The following DYNC1H1 variants were observed in gnomAD, a reference collection of about 807,000 sequenced individuals.
The protein encoded by DYNC1H1 is dynein cytoplasmic 1 heavy chain 1.
DYNC1H1 carries 51 observed loss-of-function variants against 527.1 expected under a neutral mutation model. The observed-to-expected ratio is 0.10, with a 90% CI of 0.08 to 0.12. DYNC1H1 has a LOEUF of 0.12. Among genes scored for constraint, DYNC1H1 ranks in the 10% least tolerant of loss-of-function variants. The pLI is 1.00. For synonymous variants in DYNC1H1, 2,189 were observed against 2,278.8 expected, an observed-to-expected ratio of 0.96 and a Z score of 1.12; for missense variants, 2,771 against 5,971.8, an observed-to-expected ratio of 0.46 and a Z score of 17.66.
chr14:102,015,406 C>G lies in DYNC1H1; in HGVS notation c.7242+74C>G. On this transcript the variant is annotated intron_variant, in intron 35 of 77. Transcript: ENST00000360184. This position sits in a 1 kb window ranked among gnomAD's most constrained non-coding sequence, Gnocchi z 6.9. ...ATTCAGATGTGGTCTCGCTGTGTTG[C>G]CCACGCTGGTCTTGAACTCCTGGGC... 1 of 1,480,760 alleles carries G rather than the reference C, an allele frequency of 6.8e-7. No individual in the cohort carries two copies. Among genetic ancestry groups the G allele is most frequent in the Middle Eastern group, 2.4e-4 (1 of 4,248 alleles). The allele number at this position is 1,480,760 out of a possible 1,614,324, so 91.7% of individuals were successfully genotyped here. A position where few individuals can be genotyped will look rare whatever the true frequency, so the allele number is the denominator to read the frequency against.
Position 102,011,133 on chromosome 14 carries a change from A to C in DYNC1H1, c.6618+181A>C. Reference sequence around the variant, plus strand: ...TTTTGTTGTTGTTGTTTAAATGAAGAGGAAACAATACTTAACCTGAAAATT... The same window carrying C: ...TTTTGTTGTTGTTGTTTAAATGAAGCGGAAACAATACTTAACCTGAAAATT... On this transcript the variant is annotated intron_variant, in intron 32 of 77. Transcript: ENST00000360184. This position sits in a 1 kb window ranked among gnomAD's most constrained non-coding sequence, Gnocchi z 5.3. The C allele has an allele frequency of 1.4e-6, 1 of 705,958 alleles. No homozygotes were observed. The highest frequency in any genetic ancestry group is 2.5e-6 in the Non-Finnish European group (1 of 402,866). The allele number at this position is 705,958 out of a possible 1,614,324, so 43.7% of individuals were successfully genotyped here. A position where few individuals can be genotyped will look rare whatever the true frequency, so the allele number is the denominator to read the frequency against.
At chr14:102,009,319 A>G (rs1015118948) in intron 29 of DYNC1H1, 6 of 162,586 alleles carry the variant, frequency 3.7e-5, no homozygotes, top group African/African-American at 1.4e-4. Context: ...GACCTCCTAA[A>G]TAAAACAAAA....
At chr14:102,037,938 T>G in intron 57 of DYNC1H1, 1 of 261,208 alleles carries the variant, frequency 3.8e-6, no homozygotes, top group South Asian at 4.8e-5. Context: ...GTCCACACTG[T>G]CCAGTGTGGT....
rs2047639246 is a variant in DYNC1H1, at chr14:101,964,588, A to G, written c.-104A>G. 1.3e-6 allele frequency: 2 copies of G among 1,523,916 alleles called. No individual in the cohort carries two copies. Among genetic ancestry groups the G allele is most frequent in the Non-Finnish European group, 1.8e-6 (2 of 1,140,692 alleles). 94.4% of individuals were successfully genotyped at this position (1,523,916 alleles called of 1,614,324 possible). ...CGCTCTCCTCAGTCTGCGGTGGGCT[A>G]GCGGACGGTCCGGCTTCCGGCGGCC... is the stretch of plus-strand genomic sequence containing the variant. On this transcript the variant is annotated 5_prime_UTR_variant, in exon 1 of 78. Coordinates refer to ENST00000360184, the MANE Select transcript of DYNC1H1 (RefSeq NM_001376.5). The surrounding 1 kb of genome is among the most constrained non-coding windows in gnomAD (Gnocchi z 5.5).
Position 101,985,268 on chromosome 14 carries a change from A to T in DYNC1H1, c.1462-419A>T, listed in dbSNP as rs1270608692. On this transcript the variant is annotated intron_variant, in intron 7 of 77. Coordinates refer to ENST00000360184, the MANE Select transcript of DYNC1H1 (RefSeq NM_001376.5). The surrounding 1 kb of genome is among the most constrained non-coding windows in gnomAD (Gnocchi z 5.9). ...TACATATGCCTGAGATTTATAAAACAATTAAATGACTAATTTCTTTATATA... is the reference window on the plus strand; with the variant it reads ...TACATATGCCTGAGATTTATAAAACTATTAAATGACTAATTTCTTTATATA... Among the ~76,000 whole-genome samples the T allele has an allele frequency of 6.6e-6, 1 of 152,206 alleles. No homozygotes were observed. The highest frequency in any genetic ancestry group is 1.5e-5 in the Non-Finnish European group (1 of 68,034).
chr14:102,023,166 T>C, intron 43 of DYNC1H1: 1 of 409,568 alleles, frequency 2.4e-6, no homozygotes, highest in Non-Finnish European at 4.6e-6. Flanking sequence ...TTGGGAGGCT[T>C]GAGCCCAGGA....
rs2048495059 is a variant in DYNC1H1, at chr14:102,030,201, C to G, written c.9802C>G (p.Gln3268Glu). 6.2e-7 allele frequency: 1 copy of G among 1,614,030 alleles called. No homozygotes were observed. Reference protein sequence around the residue: ...QEIQEQLHKQQEVIADKQMSV... With the variant: ...QEIQEQLHKQEEVIADKQMSV... ...AATCCAGGAACAGCTGCATAAGCAGCAGGAGGTAATTGCAGACAAACAGAT... is the reference window on the plus strand; with the variant it reads ...AATCCAGGAACAGCTGCATAAGCAGGAGGAGGTAATTGCAGACAAACAGAT... Residue 3268 changes from glutamine (Q) to glutamate (E), a missense_variant, in exon 51 of 78, where the codon CAG becomes GAG. Physicochemically the swap from Gln to Glu is conservative, Grantham distance 29. Around this residue, in one of 32 missense-constraint regions of DYNC1H1, gnomAD observed 30 missense variants for 117.8 expected, o/e 0.25. Coordinates refer to ENST00000360184, the MANE Select transcript of DYNC1H1 (RefSeq NM_001376.5).
chr14:101,982,469 G>A (rs1360924841), intron 5 of DYNC1H1, among the ~76,000 whole-genome samples: 2 of 152,072 alleles, frequency 1.3e-5, no homozygotes, highest in African/African-American at 2.4e-5. Flanking sequence ...GCAGGCGCCT[G>A]TAGTCCCAGC....
At chr14:102,047,635 G>GTATATATATATATATATATATA (rs1434959122) in intron 72 of DYNC1H1, 182 bp from the exon 73 acceptor site, 1 of 399,124 alleles carries the variant, frequency 2.5e-6, no homozygotes, top group African/African-American at 4.1e-5. Flanking sequence ...GTGTGTGTGT[G>GTATATATATATATATATATATA]TGTGTGTATA....
Position 102,033,517 on chromosome 14 carries a change from C to T in DYNC1H1, c.10413+33C>T, listed in dbSNP as rs761803741. 3.1e-6 allele frequency: 5 copies of T among 1,611,474 alleles called. No homozygotes were observed. Among genetic ancestry groups the T allele is most frequent in the South Asian group, 1.1e-5 (1 of 90,898 alleles). ...TATCATCATTGATCCTCAGCCTTTC[C>T]TGCTGTGGAAGCAGAGATTAACACA... is the stretch of plus-strand genomic sequence containing the variant. On this transcript the variant is annotated intron_variant, in intron 54 of 77. Transcript: ENST00000360184. The surrounding 1 kb of genome is among the most constrained non-coding windows in gnomAD (Gnocchi z 5.6).
rs1360149464 is a variant in DYNC1H1 at position 101,964,937 on chromosome 14, C to T, written c.246C>T (p.Ser82=). Residue 82 remains serine, a synonymous_variant, in exon 1 of 78, where the codon TCC becomes TCT. Coordinates refer to ENST00000360184, the MANE Select transcript of DYNC1H1 (RefSeq NM_001376.5). The surrounding 1 kb of genome is among the most constrained non-coding windows in gnomAD (Gnocchi z 5.5). The stretch of plus-strand genomic sequence containing the variant: ...TCCACACGGTGCTGGTGGAGCGCTC[C>T]ACGCTCAAAGGTGCGGGGCCGCGGA... ...PQVHTVLVER[S]TLKEDVGDEG... 6.3e-7 allele frequency: 1 copy of T among 1,598,294 alleles called. No individual in the cohort carries two copies. Among genetic ancestry groups the T allele is most frequent in the Admixed American group, 1.7e-5 (1 of 57,982 alleles).
Position 102,036,884 on chromosome 14 carries a change from T to C in DYNC1H1, c.10908+242T>C, listed in dbSNP as rs1357308477. The C allele has an allele frequency of 2.4e-6, 1 of 423,230 alleles. No individual in the cohort carries two copies. Among genetic ancestry groups the C allele is most frequent in the African/African-American group, 2.0e-5 (1 of 48,816 alleles). The allele number at this position is 423,230 out of a possible 1,614,324, so 26.2% of individuals were successfully genotyped here. ...ACTTTGGGAGGCCGAGGCGGGTGGATCATCTAAGGTCAGGAATTCAAGAAA... is the reference window on the plus strand; with the variant it reads ...ACTTTGGGAGGCCGAGGCGGGTGGACCATCTAAGGTCAGGAATTCAAGAAA... On this transcript the variant is annotated intron_variant, in intron 57 of 77. Coordinates refer to ENST00000360184, the MANE Select transcript of DYNC1H1 (RefSeq NM_001376.5). The surrounding 1 kb of genome is among the most constrained non-coding windows in gnomAD (Gnocchi z 5.6).
chr14:102,000,670 G>T (rs552524737), intron 18 of DYNC1H1: 52 of 506,678 alleles, frequency 1.0e-4, no homozygotes, highest in African/African-American at 9.7e-4. Flanking sequence ...CGCCTCCCGG[G>T]TTCAAGCGAT....
chr14:102,030,402 A>C, intron 51 of DYNC1H1, 120 bp downstream of exon 51: 1 of 1,481,998 alleles, frequency 6.7e-7, no homozygotes, highest in Non-Finnish European at 9.3e-7. Context: ...GGTTTCCAAA[A>C]ATATCATTAG....
At chr14:102,047,691 T>G (rs2048745180) in intron 72 of DYNC1H1, 126 bp from the exon 73 acceptor site, 2 of 886,976 alleles carry the variant, frequency 2.3e-6, no homozygotes, top group Non-Finnish European at 3.5e-6. Context: ...ACCTTCCAGA[T>G]TTTGCTGCAG....
At chr14:101,968,811 C>G (rs1478798887) in intron 1 of DYNC1H1, among the ~76,000 whole-genome samples, 1 of 152,204 alleles carries the variant, frequency 6.6e-6, no homozygotes. Flanking sequence ...ATCCTGCTAC[C>G]TCAGCCTCCC....
Position 102,052,967 on chromosome 14 carries a change from G to A in DYNC1H1, c.*2404G>A, listed in dbSNP as rs1432869216. 1 of 152,138 alleles carries A rather than the reference G, an allele frequency of 6.6e-6. No homozygotes were observed. Among genetic ancestry groups the A allele is most frequent in the Non-Finnish European group, 1.5e-5 (1 of 68,018 alleles). The allele number at this position is 152,138 out of a possible 1,614,324, so 9.4% of individuals were successfully genotyped here. ...GCAGCTCCAGTTGGAATGACTGGGG[G>A]TGTCTTCCGAATCGCCATCATAAAG... On this transcript the variant is annotated 3_prime_UTR_variant, in exon 78 of 78. Transcript: ENST00000360184.
rs374421024 is a variant in DYNC1H1, at chr14:102,040,793, C to G, written c.11941+120C>G. On this transcript the variant is annotated intron_variant, in intron 64 of 77. Transcript: ENST00000360184. ...TGGGCAACATAGTAAGGCCCCATCTCTACAAAAAATAAAACCTTAGCCAGG... is the reference window on the plus strand; with the variant it reads ...TGGGCAACATAGTAAGGCCCCATCTGTACAAAAAATAAAACCTTAGCCAGG... The G allele has an allele frequency of 1.0e-4, 125 of 1,229,926 alleles. 1 individual carries two copies. In the African/African-American group the frequency reaches 1.6e-3, roughly 16 times the overall value. The allele number at this position is 1,229,926 out of a possible 1,614,324, so 76.2% of individuals were successfully genotyped here. A position where few individuals can be genotyped will look rare whatever the true frequency, so the allele number is the denominator to read the frequency against.
In DYNC1H1 at chr14:101,994,982, TC is replaced by T; in HGVS notation, c.3334-3del. 1 of 1,614,186 alleles carries T rather than the reference TC, an allele frequency of 6.2e-7. No homozygotes were observed. The highest frequency in any genetic ancestry group is 8.5e-7 in the Non-Finnish European group (1 of 1,179,998). Reference sequence around the variant, plus strand: ...TGATGTGTTGTGTGCTATTTCACCCTCAGGTACAATCTAAGGTGAACTTGAA... The same window carrying T: ...TGATGTGTTGTGTGCTATTTCACCCTAGGTACAATCTAAGGTGAACTTGAA... On this transcript the variant is annotated splice_polypyrimidine_tract_variant and splice_region_variant and intron_variant, in intron 13 of 77. Coordinates refer to ENST00000360184, the MANE Select transcript of DYNC1H1 (RefSeq NM_001376.5).
Sources: gnomAD v4.1 joint callset for allele counts (sites outside exome capture counted in the v4.1 genomes callset) on GRCh38, gnomAD v4.1.1 for gene constraint, gnomAD v4.1.1 regional missense constraint, Gnocchi (gnomAD v3.1) non-coding constraint, MANE v1.5 for transcripts, NCBI Gene and HGNC (gene_info 2026-07-23, HGNC 2026-07-21) for gene names.